UBAP2: variants seen among roughly 807,000 people sequenced by gnomAD.
The protein encoded by UBAP2 is ubiquitin associated protein 2, also known as ubiquitin-associated protein 2.
UBAP2 carries 75 observed loss-of-function variants against 139.6 expected under a neutral mutation model. The ratio of observed to expected loss-of-function variants is 0.54; its 90% CI spans 0.45 to 0.65. UBAP2 has a LOEUF of 0.65. Ranked by LOEUF, UBAP2 falls within the 30% of genes least tolerant of loss-of-function variation. The pLI is 0.00. For missense variants in UBAP2, 1,368 were observed against 1,369.6 expected, an observed-to-expected ratio of 1.00 and a Z score of 0.02; for synonymous variants, 526 against 526.2, an observed-to-expected ratio of 1.00 and a Z score of 0.01.
intron 1 of UBAP2, among the ~76,000 whole-genome samples, chr9:34,045,238 C>A (rs571080516): frequency 6.6e-6 from 1 of 150,896 alleles, no homozygotes; most frequent in Non-Finnish European, 1.5e-5. Context: ...CCCAGGTACT[C>A]GGGAGGCTGA....
chr9:33,955,519 C>CAA (rs1308671523), intron 11 of UBAP2, among the ~76,000 whole-genome samples: 2 of 145,420 alleles, frequency 1.4e-5, no homozygotes, highest in East Asian at 4.3e-4. Context: ...GACTCCGTCT[C>CAA]AAAAAAACAA....
intron 4 of UBAP2, among the ~76,000 whole-genome samples, chr9:33,992,082 T>A (rs1821756520): frequency 6.6e-6 from 1 of 151,998 alleles, no homozygotes; most frequent in Non-Finnish European, 1.5e-5. Context: ...TGAAACCCCA[T>A]CTCTACTAAA....
At position 33,922,211 on chromosome 9, in the gene UBAP2, TG is replaced by T; in HGVS notation, c.*292del. On this transcript the variant is annotated 3_prime_UTR_variant, in exon 29 of 29. Coordinates refer to ENST00000379238, the MANE Select transcript of UBAP2 (RefSeq NM_001370062.2). ...GCTGTGAAGAAGACCTGAAGGCAGA[TG>T]GGGTGGGGGTGCTTATTTTGCTACA... 1 of 397,736 alleles carries T rather than the reference TG, an allele frequency of 2.5e-6. No individual in the cohort carries two copies. Among genetic ancestry groups the T allele is most frequent in the Non-Finnish European group, 4.7e-6 (1 of 214,364 alleles). The allele number at this position is 397,736 out of a possible 1,614,324, so 24.6% of individuals were successfully genotyped here. A position where few individuals can be genotyped will look rare whatever the true frequency, so the allele number is the denominator to read the frequency against.
chr9:34,030,329 G>GCCC (rs1317474842), intron 1 of UBAP2, among the ~76,000 whole-genome samples: 1 of 151,010 alleles, frequency 6.6e-6, no homozygotes, highest in Non-Finnish European at 1.5e-5. Context: ...GGCACCTGTA[G>GCCC]TCCCAGCTAC....
At chr9:34,013,927 A>T (rs781159238) in intron 2 of UBAP2, among the ~76,000 whole-genome samples, 1 of 151,992 alleles carries the variant, frequency 6.6e-6, no homozygotes, top group Non-Finnish European at 1.5e-5. Flanking sequence ...TTTTTATGAC[A>T]CCAATTTAAG....
chr9:34,035,264 A>T (rs1184853820), intron 1 of UBAP2, among the ~76,000 whole-genome samples: 1 of 151,692 alleles, frequency 6.6e-6, no homozygotes, highest in Admixed American at 6.6e-5. Context: ...GCACTTTGGG[A>T]GGCCGAGGCG....
At chr9:34,015,997 T>G (rs561551867) in intron 2 of UBAP2, among the ~76,000 whole-genome samples, 60 of 152,252 alleles carry the variant, frequency 3.9e-4, no homozygotes, top group African/African-American at 1.4e-3. Flanking sequence ...CTATTGTAAT[T>G]CAGGTATTTT....
chr9:33,986,422 T>C (rs959232729), intron 6 of UBAP2, among the ~76,000 whole-genome samples: 1 of 152,180 alleles, frequency 6.6e-6, no homozygotes, highest in Non-Finnish European at 1.5e-5. Context: ...TAGCCTTTTT[T>C]AGCAATAAAG....
intron 2 of UBAP2, among the ~76,000 whole-genome samples, chr9:34,001,391 C>T (rs187766960): frequency 1.6e-4 from 24 of 152,302 alleles, no homozygotes; most frequent in African/African-American, 5.8e-4. Context: ...AGAAAACTCA[C>T]TGGAACTACT....
chr9:34,043,337 T>C (rs1827262183), intron 1 of UBAP2, among the ~76,000 whole-genome samples: 1 of 151,684 alleles, frequency 6.6e-6, no homozygotes, highest in Admixed American at 6.6e-5. Flanking sequence ...CAGCTAATTT[T>C]TGTATTTTTA....
chr9:34,009,405 G>A (rs1231286315), intron 2 of UBAP2, among the ~76,000 whole-genome samples: 1 of 151,704 alleles, frequency 6.6e-6, no homozygotes, highest in Non-Finnish European at 1.5e-5. Flanking sequence ...GGCCAAAAAG[G>A]TTTTTTTCTT....
intron 1 of UBAP2, among the ~76,000 whole-genome samples, chr9:34,046,208 A>G (rs1423913397): frequency 6.6e-6 from 1 of 152,112 alleles, no homozygotes; most frequent in Admixed American, 6.6e-5. Flanking sequence ...TAGAGCAGGC[A>G]TTAACCCTTG....
chr9:34,043,912 G>A (rs1336588569), intron 1 of UBAP2, among the ~76,000 whole-genome samples: 2 of 149,868 alleles, frequency 1.3e-5, no homozygotes, highest in African/African-American at 4.9e-5. Flanking sequence ...TGGATCACCT[G>A]AGGTCAGGAG....
intron 8 of UBAP2, among the ~76,000 whole-genome samples, chr9:33,964,231 GACTCATA>G (rs561496410): frequency 3.5e-4 from 54 of 152,232 alleles, no homozygotes; most frequent in African/African-American, 1.3e-3. Flanking sequence ...CTGAGTCCTG[GACTCATA>G]ACTCTCTTAT....
At chr9:33,982,870 GTTTTTTTTTGTTTT>G (rs1022271036) in intron 6 of UBAP2, among the ~76,000 whole-genome samples, 15 of 145,220 alleles carry the variant, frequency 1.0e-4, no homozygotes, top group Non-Finnish European at 2.3e-4. Context: ...AATGTGTGGT[GTTTTTTTTTGTTTT>G]TTTTTTTTTG....
At chr9:33,961,589 T>C (rs1827048919) in intron 9 of UBAP2, among the ~76,000 whole-genome samples, 1 of 152,190 alleles carries the variant, frequency 6.6e-6, no homozygotes, top group Non-Finnish European at 1.5e-5. Flanking sequence ...GTTTACAGCA[T>C]GTATGAAAAA....
At chr9:33,962,684 T>TAAATAAA (rs1564032725) in intron 9 of UBAP2, among the ~76,000 whole-genome samples, 14 of 111,768 alleles carry the variant, frequency 1.3e-4, no homozygotes, top group African/African-American at 4.8e-4. Context: ...AAATAAATAA[T>TAAATAAA]TAAAAAATAG....
chr9:34,020,708 G>A (rs2131294530), intron 1 of UBAP2, among the ~76,000 whole-genome samples: 1 of 151,240 alleles, frequency 6.6e-6, no homozygotes, highest in African/African-American at 2.4e-5. Context: ...CACCCAAGCT[G>A]GAGTGCAGTG....
chr9:34,018,857 C>T (rs954330675), intron 1 of UBAP2, among the ~76,000 whole-genome samples: 4 of 116,004 alleles, frequency 3.4e-5, no homozygotes, highest in Non-Finnish European at 7.1e-5. Context: ...AGCAAGACTC[C>T]GTCTCAAAAT....
Sources: allele counts gnomAD v4.1 joint callset (sites outside exome capture counted in the v4.1 genomes callset), GRCh38; gene constraint gnomAD v4.1.1; transcripts MANE v1.5; gene names NCBI Gene and HGNC (gene_info 2026-07-23, HGNC 2026-07-21).